The following SLC25A26 variants were observed in gnomAD, a reference collection of about 807,000 sequenced individuals.
The protein encoded by SLC25A26 is mitochondrial S-adenosylmethionine carrier protein.
In SLC25A26, 36 loss-of-function variants were observed where a neutral mutation model predicts 37.8. The ratio of observed to expected loss-of-function variants is 0.95; its 90% CI spans 0.73 to 1.26. The LOEUF (loss-of-function observed/expected upper bound fraction) is 1.26. Ranked by LOEUF, SLC25A26 falls within the 50% of genes most tolerant of loss-of-function variation. The pLI is 0.00. For synonymous variants in SLC25A26, 129 were observed against 122.5 expected, an observed-to-expected ratio of 1.05 and a Z score of -0.35; for missense variants, 390 against 331.1, an observed-to-expected ratio of 1.18 and a Z score of -1.38.
At chr3:66,301,931 C>A (rs565842411) in intron 5 of SLC25A26, among the ~76,000 whole-genome samples, 186 of 152,124 alleles carry the variant, frequency 1.2e-3, no homozygotes, top group Middle Eastern at 3.2e-3. Context: ...ACAATAATAC[C>A]AACCTCATAA....
At position 66,356,135 on chromosome 3, in the gene SLC25A26, A is replaced by G. The variant is rs1040286997; in HGVS notation, c.499-6725A>G. Reference sequence around the variant, plus strand: ...AACAGTTATTTTCAGTGTGTTATTCATAAGACAGTAGTGCTTATTTGGGTG... The same window carrying G: ...AACAGTTATTTTCAGTGTGTTATTCGTAAGACAGTAGTGCTTATTTGGGTG... On this transcript the variant is annotated intron_variant, in intron 6 of 9. Transcript: ENST00000354883. The G allele has an allele frequency of 4.4e-5, 20 of 455,598 alleles. 1 individual carries two copies. The highest frequency in any genetic ancestry group is 1.2e-4 in the South Asian group (8 of 64,374). The allele number at this position is 455,598 out of a possible 1,614,324, so 28.2% of individuals were successfully genotyped here.
intron 5 of SLC25A26, among the ~76,000 whole-genome samples, chr3:66,307,152 C>G (rs1221592678): frequency 1.3e-5 from 2 of 152,232 alleles, no homozygotes; most frequent in South Asian, 2.1e-4. Context: ...TTCTCCACAT[C>G]CTCTCCAGCA....
intron 5 of SLC25A26, among the ~76,000 whole-genome samples, chr3:66,270,563 A>G (rs563820035): frequency 5.9e-5 from 9 of 152,342 alleles, no homozygotes; most frequent in Non-Finnish European, 1.0e-4. Flanking sequence ...TTTGATGGAA[A>G]TATTAAACAA....
In SLC25A26 at chr3:66,373,675, A is replaced by AT. The variant is rs11316750; in HGVS notation, c.707+3089dup. Among the ~76,000 whole-genome samples the AT allele has an allele frequency of 3.1e-3, 447 of 143,898 alleles. 3 individuals carry two copies. Among genetic ancestry groups the AT allele is most frequent in the African/African-American group, 7.5e-3 (299 of 39,642 alleles). The allele number at this position is 143,898 out of a possible 152,430, so 94.4% of individuals were successfully genotyped here. A position where few individuals can be genotyped will look rare whatever the true frequency, so the allele number is the denominator to read the frequency against. On this transcript the variant is annotated intron_variant, in intron 9 of 9. Coordinates refer to ENST00000354883, the MANE Select transcript of SLC25A26 (RefSeq NM_001379210.1). The stretch of plus-strand genomic sequence containing the variant: ...ACCACCCACCCTTTGCATGATGCTG[A>AT]TTTTTTTTTTTTTTTTAAGCAAGTG...
chr3:66,377,205 A>G (rs1327057224), intron 9 of SLC25A26, among the ~76,000 whole-genome samples: 3 of 152,192 alleles, frequency 2.0e-5, no homozygotes, highest in Non-Finnish European at 2.9e-5. Flanking sequence ...AGGTGGAGGC[A>G]TGCTGCCCCC....
intron 6 of SLC25A26, among the ~76,000 whole-genome samples, chr3:66,361,794 T>C (rs2076713735): frequency 6.6e-6 from 1 of 152,074 alleles, no homozygotes; most frequent in African/African-American, 2.4e-5. Context: ...TGAAACCCCG[T>C]GTCTAGGACT....
chr3:66,321,234 A>T (rs576324935), intron 5 of SLC25A26, among the ~76,000 whole-genome samples: 1 of 152,322 alleles, frequency 6.6e-6, no homozygotes, highest in South Asian at 2.1e-4. Flanking sequence ...AGGGCTTAGA[A>T]TCTGTGTTTT....
chr3:66,356,096 T>G (rs2076569579), intron 6 of SLC25A26: 1 of 456,304 alleles, frequency 2.2e-6, no homozygotes, highest in Non-Finnish European at 4.4e-6. Context: ...TAAGTATTTG[T>G]TCACTGGAGC....
chr3:66,235,689 A>T (rs2072243946), intron 1 of SLC25A26, among the ~76,000 whole-genome samples: 2 of 152,202 alleles, frequency 1.3e-5, no homozygotes. Flanking sequence ...ACGTGAAAAG[A>T]TAAATCGTTA....
rs186590640 is a variant in SLC25A26 at position 66,175,471 on chromosome 3, C to G, written c.-354+41487C>G. Among the ~76,000 whole-genome samples, 3 of 152,196 alleles carry G rather than the reference C, an allele frequency of 2.0e-5. No homozygotes were observed. In the East Asian group the frequency reaches 5.8e-4, roughly 29 times the overall value. On this transcript the variant is annotated intron_variant, in intron 1 of 10. Transcript: ENST00000676754. ...AACTCCTGACCTCAGGTGATTCACC[C>G]GCCTCGGCCTCCCAAAGTGCTGGGA... is the stretch of plus-strand genomic sequence containing the variant.
chr3:66,244,084 A>T (rs2072714104), intron 3 of SLC25A26, among the ~76,000 whole-genome samples: 1 of 152,094 alleles, frequency 6.6e-6, no homozygotes. Context: ...CCCTATACAA[A>T]CTGCTTAATT....
intron 5 of SLC25A26, among the ~76,000 whole-genome samples, chr3:66,295,544 G>C (rs1320941053): frequency 6.6e-6 from 1 of 151,958 alleles, no homozygotes; most frequent in African/African-American, 2.4e-5. Flanking sequence ...TGGGACTACA[G>C]GTGCCCACCA....
At chr3:66,134,949 G>A (rs970905097) in intron 1 of SLC25A26, among the ~76,000 whole-genome samples, 23 of 151,984 alleles carry the variant, frequency 1.5e-4, no homozygotes, top group African/African-American at 5.1e-4. Context: ...TCCTGCCTCA[G>A]CCTCCCGAGT....
intron 5 of SLC25A26, among the ~76,000 whole-genome samples, chr3:66,285,524 G>A: frequency 1.9e-5 from 1 of 52,148 alleles, no homozygotes; most frequent in Admixed American, 2.6e-4. Context: ...CAGTGGTGTA[G>A]TCATGGCTCA....
chr3:66,206,890 CTTTCTTTTTTTT>C (rs1171190218), intron 1 of SLC25A26, among the ~76,000 whole-genome samples: 1 of 140,010 alleles, frequency 7.1e-6, no homozygotes, highest in Non-Finnish European at 1.6e-5. Flanking sequence ...ATTTTTCTTT[CTTTCTTTTTTTT>C]TTTTTTTTTT....
chr3:66,167,513 T>C (rs2070441427), intron 1 of SLC25A26, among the ~76,000 whole-genome samples: 1 of 152,242 alleles, frequency 6.6e-6, no homozygotes. Context: ...TTTATGCTTA[T>C]GCAGGTTTAA....
chr3:66,334,337 CAG>C (rs1204071349), intron 5 of SLC25A26, among the ~76,000 whole-genome samples: 3 of 152,082 alleles, frequency 2.0e-5, no homozygotes, highest in African/African-American at 4.8e-5. Flanking sequence ...TGTTTTGAGA[CAG>C]AGTCTTGCTC....
At chr3:66,226,577 T>C (rs183417119) in intron 1 of SLC25A26, among the ~76,000 whole-genome samples, 1 of 152,060 alleles carries the variant, frequency 6.6e-6, no homozygotes, top group Admixed American at 6.6e-5. Context: ...GCCTCCTGAG[T>C]AGCTGGGACT....
chr3:66,356,253 A>G (rs2076572847), intron 6 of SLC25A26, among the ~76,000 whole-genome samples: 1 of 152,190 alleles, frequency 6.6e-6, no homozygotes, highest in Non-Finnish European at 1.5e-5. Context: ...GCCACTTCAT[A>G]GTATTGTGCC....
Sources: gnomAD v4.1 joint callset for allele counts (sites outside exome capture counted in the v4.1 genomes callset) on GRCh38, gnomAD v4.1.1 for gene constraint, MANE v1.5 for transcripts, NCBI Gene and HGNC (gene_info 2026-07-23, HGNC 2026-07-21) for gene names.